FBL: variants seen among roughly 807,000 people sequenced by gnomAD.
The protein encoded by FBL is rRNA 2'-O-methyltransferase fibrillarin.
FBL carries 10 observed loss-of-function variants against 42.2 expected under a neutral mutation model. The ratio of observed to expected loss-of-function variants is 0.24; its 90% CI spans 0.15 to 0.40. FBL has a LOEUF of 0.40. FBL is among the 10% of genes least tolerant of loss of function. The probability of loss-of-function intolerance (pLI) is 1.00; values close to 1 mark genes in which losing one functional copy is unlikely to be tolerated. For synonymous variants in FBL, 165 were observed against 165.4 expected, an observed-to-expected ratio of 1.00 and a Z score of 0.02; for missense variants, 351 against 439.2, an observed-to-expected ratio of 0.80 and a Z score of 1.79.
rs773355171 is a variant in FBL at position 39,834,781 on chromosome 19, C to G, written c.828G>C (p.Glu276Asp). 1 of 1,614,210 alleles carries G rather than the reference C, an allele frequency of 6.2e-7. No homozygotes were observed. Among genetic ancestry groups the G allele is most frequent in the Non-Finnish European group, 8.5e-7 (1 of 1,180,030 alleles). Residue 276 changes from glutamate to aspartate, a missense_variant, in exon 8 of 9, where the codon GAG becomes GAC. By Grantham distance (45) the Glu-to-Asp change is conservative. Transcript: ENST00000221801. ...TTTTCACTTCGGAGGCAAACACGGC[C>G]TCGGCTGAGGCTGTGGAGTCAATGC... is the stretch of plus-strand genomic sequence containing the variant. ...ANCIDSTASA[E>D]AVFASEVKKM...
intron 4 of FBL, among the ~76,000 whole-genome samples, chr19:39,839,543 G>C (rs79670050): frequency 6.6e-6 from 1 of 152,118 alleles, no homozygotes; most frequent in African/African-American, 2.4e-5. Context: ...AGTATTCACC[G>C]AACTAACTAA....
chr19:39,838,684 A>T (rs1969098872), intron 5 of FBL: 1 of 193,012 alleles, frequency 5.2e-6, no homozygotes, highest in South Asian at 1.4e-4. Context: ...CAGGCTCAGA[A>T]ACCATGAAGA....
chr19:39,836,620 C>T lies in FBL; in HGVS notation c.731G>A (p.Arg244Gln), dbSNP rs754314731. The T allele has an allele frequency of 1.9e-6, 3 of 1,614,152 alleles. No homozygotes were observed. Among genetic ancestry groups the T allele is most frequent in the Non-Finnish European group, 2.5e-6 (3 of 1,180,004 alleles). ...GGTGTGGGCATTCAGGGCCACAATC[C>T]GGGTCTGGTCTGGCTGGGCCACATC... ...FADVAQPDQT[R>Q]IVALNAHTFL... The change falls in exon 7 of 9, where the codon CGG becomes CAG. Residue 244 changes from arginine (R) to glutamine (Q), a missense_variant. Arg to Gln is a conservative substitution (Grantham distance 43). Coordinates refer to ENST00000221801, the MANE Select transcript of FBL (RefSeq NM_001436.4).
Position 39,840,720 on chromosome 19 carries a change from G to A in FBL, c.78C>T (p.Gly26=), listed in dbSNP as rs772289044. 3.8e-6 allele frequency: 6 copies of A among 1,579,574 alleles called. No individual in the cohort carries two copies. The highest frequency in any genetic ancestry group is 5.2e-6 in the Non-Finnish European group (6 of 1,163,232). The change falls in exon 2 of 9, where the codon GGC becomes GGT. Residue 26 remains glycine (G), a synonymous_variant. Transcript: ENST00000221801. The surrounding 1 kb of genome is among the most constrained non-coding windows in gnomAD (Gnocchi z 4.5). ...GGFGDRGGRG[G]RGGFGGGRGR... ...CTCGGCCCCCGCCAAAGCCCCCTCG[G>A]CCTCCACGACCACCACGGTCACCAA...
At chr19:39,839,572 G>A (rs1238750496) in intron 4 of FBL, among the ~76,000 whole-genome samples, 1 of 152,118 alleles carries the variant, frequency 6.6e-6, no homozygotes, top group African/African-American at 2.4e-5. Flanking sequence ...TGGCATATGA[G>A]ATGGTGACAG....
At chr19:39,837,323 T>A (rs2145056492) in intron 6 of FBL, among the ~76,000 whole-genome samples, 1 of 152,254 alleles carries the variant, frequency 6.6e-6, no homozygotes, top group Admixed American at 6.5e-5. Flanking sequence ...ACAAAGTAAT[T>A]AATATTCACA....
chr19:39,834,617 G>A (rs748724182), intron 8 of FBL, 51 bp downstream of exon 8: 3 of 1,614,126 alleles, frequency 1.9e-6, no homozygotes, highest in South Asian at 1.1e-5. Flanking sequence ...GGCACTCGGG[G>A]TGCAAGGGAC....
chr19:39,846,313 T>C lies in FBL; in HGVS notation c.-13A>G, dbSNP rs1259236804. The C allele has an allele frequency of 6.2e-7, 1 of 1,613,448 alleles. No individual in the cohort carries two copies. Among genetic ancestry groups the C allele is most frequent in the Admixed American group, 1.7e-5 (1 of 59,996 alleles). On this transcript the variant is annotated 5_prime_UTR_variant, in exon 1 of 9. Coordinates refer to ENST00000221801, the MANE Select transcript of FBL (RefSeq NM_001436.4). ...GACCTGGCTTCATGGCGAGCCCTGG[T>C]TTGTGCGGCTCCGGAGTCCGCGGCG...
intron 1 of FBL, 152 bp downstream of exon 1, chr19:39,846,139 C>T: frequency 2.2e-6 from 2 of 902,414 alleles, no homozygotes; most frequent in South Asian, 3.1e-5. Context: ...CCTAGACCTG[C>T]TGGAATCAGA....
At chr19:39,834,629 G>A in intron 8 of FBL, 39 bp downstream of exon 8, 1 of 1,614,168 alleles carries the variant, frequency 6.2e-7, no homozygotes, top group Non-Finnish European at 8.5e-7. Context: ...GCAAGGGACA[G>A]AGATGTCTGT....
chr19:39,839,105 C>T lies in FBL; in HGVS notation c.479G>A (p.Gly160Glu). The T allele has an allele frequency of 6.2e-7, 1 of 1,614,162 alleles. No individual in the cohort carries two copies. Among genetic ancestry groups the T allele is most frequent in the South Asian group, 1.1e-5 (1 of 91,080 alleles). ...AGCCCCGAGGTAGAGAACCTTAGCC[C>T]CCGGTTTGATGTGGATCTGGTCCAC... is the stretch of plus-strand genomic sequence containing the variant. ...GGVDQIHIKP[G>E]AKVLYLGAAS... Residue 160 changes from glycine (G) to glutamate (E), a missense_variant, in exon 5 of 9, where the codon GGG (glycine) becomes GAG (glutamate). By Grantham distance (98) the Gly-to-Glu change is moderately conservative. Coordinates refer to ENST00000221801, the MANE Select transcript of FBL (RefSeq NM_001436.4).
chr19:39,836,748 C>T (rs1969056882), intron 6 of FBL, 80 bp from the exon 7 acceptor site: 4 of 1,013,752 alleles, frequency 3.9e-6, no homozygotes, highest in Admixed American at 2.2e-5. Context: ...ATGCCCATCA[C>T]CAGCAGGTTC....
chr19:39,834,706 T>G lies in FBL; in HGVS notation c.903A>C (p.Pro301=). The change falls in exon 8 of 9, where the codon CCA becomes CCC. Residue 301 remains proline (P), a synonymous_variant. Transcript: ENST00000221801. ...CGACCACGGCATGGTCTCTTTCATA[T>G]GGCTCAAGGGTCAACTGCTCCTGCG... ...MKPQEQLTLE[P]YERDHAVVVG... is the part of the protein sequence containing the mutation. 1 of 1,614,214 alleles carries G rather than the reference T, an allele frequency of 6.2e-7. No homozygotes were observed. The highest frequency in any genetic ancestry group is 1.1e-5 in the South Asian group (1 of 91,086).
chr19:39,835,020 G>A (rs1969006751), intron 7 of FBL, among the ~76,000 whole-genome samples: 1 of 152,254 alleles, frequency 6.6e-6, no homozygotes, highest in African/African-American at 2.4e-5. Flanking sequence ...TTCAGGTCAT[G>A]AGGCCTCTGC....
Position 39,839,183 on chromosome 19 carries a change from T to C in FBL, c.401A>G (p.Tyr134Cys). ...SISEGDDKIE[Y>C]RAWNPFRSKL... ...GGAGCGGAAGGGGTTCCAGGCTCGG[T>C]ACTCAATTTTGTCATCTCCTTCCTA... Residue 134 changes from tyrosine (Y) to cysteine (C), a missense_variant, in exon 5 of 9, where the codon TAC becomes TGC. Coordinates refer to ENST00000221801, the MANE Select transcript of FBL (RefSeq NM_001436.4). 6.2e-7 allele frequency: 1 copy of C among 1,612,300 alleles called. No homozygotes were observed. Among genetic ancestry groups the C allele is most frequent in the South Asian group, 1.1e-5 (1 of 90,928 alleles).
At chr19:39,836,412 G>A (rs1483495481) in intron 7 of FBL, 144 bp downstream of exon 7, 8 of 518,962 alleles carry the variant, frequency 1.5e-5, no homozygotes, top group Admixed American at 7.1e-5. Context: ...CTTGACCGCT[G>A]CACTCTCCTG....
At chr19:39,837,479 G>A (rs1174166759) in intron 6 of FBL, among the ~76,000 whole-genome samples, 2 of 152,138 alleles carry the variant, frequency 1.3e-5, no homozygotes, top group Admixed American at 6.5e-5. Context: ...TAGGAGATGG[G>A]GAGGAGACTG....
At chr19:39,836,985 A>G in intron 6 of FBL, among the ~76,000 whole-genome samples, 1 of 152,304 alleles carries the variant, frequency 6.6e-6, no homozygotes, top group African/African-American at 2.4e-5. Context: ...TGGTGGGGAG[A>G]CAGACACGTC....
chr19:39,839,296 T>C, intron 4 of FBL, 91 bp from the exon 5 acceptor site: 1 of 1,044,398 alleles, frequency 9.6e-7, no homozygotes, highest in Non-Finnish European at 1.4e-6. Flanking sequence ...GGAACTGGGC[T>C]GTCCTATCAC....
Sources: allele counts gnomAD v4.1 joint callset (sites outside exome capture counted in the v4.1 genomes callset), GRCh38; gene constraint gnomAD v4.1.1; non-coding constraint Gnocchi (gnomAD v3.1); transcripts MANE v1.5; gene names NCBI Gene and HGNC (gene_info 2026-07-23, HGNC 2026-07-21).